Variants in STIM1 observed in about 807,000 individuals in gnomAD.
The protein encoded by STIM1 is stromal interaction molecule 1.
STIM1 carries 25 observed loss-of-function variants against 74.7 expected under a neutral mutation model. That is an observed-to-expected ratio of 0.33 (90% confidence interval 0.24 to 0.47). The LOEUF (loss-of-function observed/expected upper bound fraction) is 0.47. Among genes scored for constraint, STIM1 ranks in the 20% least tolerant of loss-of-function variants. The pLI, the probability that STIM1 is intolerant of heterozygous loss-of-function variation, is 1.00. For missense variants in STIM1, 728 were observed against 920.8 expected (o/e 0.79, Z 2.71); for synonymous variants, 328 against 348.8 (o/e 0.94, Z 0.66).
At chr11:3,967,490 G>C (rs2093350236) in intron 1 of STIM1, 62 bp from the exon 2 acceptor site, 2 of 1,612,534 alleles carry the variant, frequency 1.2e-6, no homozygotes, top group Middle Eastern at 1.7e-4. Flanking sequence ...TGCTGACACA[G>C]GTGGGTGATA....
intron 1 of STIM1, among the ~76,000 whole-genome samples, chr11:3,950,657 G>A (rs1172979580): frequency 6.6e-6 from 1 of 152,056 alleles, no homozygotes; most frequent in Non-Finnish European, 1.5e-5. Flanking sequence ...AGAAGGTCTC[G>A]CTCTGTCACC....
In STIM1 at chr11:4,080,467, G is replaced by GTTTTT. The variant is rs753798798; in HGVS notation, c.970-1704_970-1700dup. 4.6e-4 allele frequency among the ~76,000 whole-genome samples: 60 copies of GTTTTT among 129,752 alleles called. 1 individual carries two copies. Among genetic ancestry groups the GTTTTT allele is most frequent in the Non-Finnish European group, 6.9e-4 (43 of 62,574 alleles). The allele number at this position is 129,752 out of a possible 152,430, so 85.1% of individuals were successfully genotyped here. On this transcript the variant is annotated intron_variant, in intron 7 of 12. Coordinates refer to ENST00000526596, the MANE Select transcript of STIM1 (RefSeq NM_001382567.1). ...AGTTATTTCTCTCTTTAACCAAACA[G>GTTTTT]TTTTTTTTTTTTTTTTTGAGACAGT... is the stretch of plus-strand genomic sequence containing the variant.
chr11:4,035,832 G>A (rs1415727929), intron 3 of STIM1, among the ~76,000 whole-genome samples: 1 of 145,878 alleles, frequency 6.9e-6, no homozygotes, highest in African/African-American at 2.5e-5. Flanking sequence ...TGTCAATCAG[G>A]TCTGTTTTTG....
In STIM1 at chr11:4,086,304, C is replaced by T. The variant is rs182578117; in HGVS notation, c.1568-173C>T. The T allele has an allele frequency of 1.3e-3, 881 of 684,248 alleles. 3 individuals carry two copies. The highest frequency in any genetic ancestry group is 1.8e-3 in the Non-Finnish European group (753 of 409,754). The allele number at this position is 684,248 out of a possible 1,614,324, so 42.4% of individuals were successfully genotyped here. On this transcript the variant is annotated intron_variant, in intron 11 of 12. Transcript: ENST00000526596. The stretch of plus-strand genomic sequence containing the variant: ...GACCTGGGCACTTCATCTTCAATTT[C>T]CCATCCTTTTAGGACCCCTGGTGGG...
chr11:3,880,061 G>A (rs186673183), intron 1 of STIM1, among the ~76,000 whole-genome samples: 349 of 152,320 alleles, frequency 2.3e-3, no homozygotes, highest in African/African-American at 7.8e-3. Context: ...CTTTTGTGTT[G>A]TGGCAATGGC....
At chr11:3,941,316 G>C (rs1319794621) in intron 1 of STIM1, among the ~76,000 whole-genome samples, 2 of 152,118 alleles carry the variant, frequency 1.3e-5, no homozygotes, top group African/African-American at 4.8e-5. Flanking sequence ...GGTGAGGCCT[G>C]CATAAAGTGA....
At chr11:4,066,288 A>G (rs530846183) in intron 5 of STIM1, among the ~76,000 whole-genome samples, 10 of 152,140 alleles carry the variant, frequency 6.6e-5, no homozygotes, top group Admixed American at 2.0e-4. Context: ...CTGAGAGCTG[A>G]GTTTGTGTAG....
In STIM1 at chr11:4,023,887, C is replaced by T. The variant is rs780488492; in HGVS notation, c.285C>T (p.Asp95=). The change falls in exon 3 of 13, where the codon GAC becomes GAT. Residue 95 remains aspartate, a synonymous_variant. Coordinates refer to ENST00000526596, the MANE Select transcript of STIM1 (RefSeq NM_001382567.1). ...VEESDEFLRE[D]LNYHDPTVKH... is the part of the protein sequence containing the mutation. ...TTCCCTTGCAGTTCCTGAGGGAAGA[C>T]CTCAATTACCATGACCCAACAGTGA... is the stretch of plus-strand genomic sequence containing the variant. 15 of 1,613,874 alleles carry T rather than the reference C, an allele frequency of 9.3e-6. No homozygotes were observed. The Middle Eastern group carries it at 1.3e-3, about 142-fold the overall frequency.
At chr11:4,078,420 C>T (rs1020544402) in intron 7 of STIM1, among the ~76,000 whole-genome samples, 14 of 151,978 alleles carry the variant, frequency 9.2e-5, no homozygotes, top group African/African-American at 3.4e-4. Context: ...GGGTCCAGCC[C>T]AATTTTCGGC....
chr11:3,943,330 A>G (rs1467029687), intron 1 of STIM1, among the ~76,000 whole-genome samples: 2 of 152,196 alleles, frequency 1.3e-5, no homozygotes, highest in South Asian at 2.1e-4. Context: ...TAAATATTAC[A>G]TGGCCATTTA....
At chr11:3,885,771 G>A (rs1397396257) in intron 1 of STIM1, among the ~76,000 whole-genome samples, 1 of 152,148 alleles carries the variant, frequency 6.6e-6, no homozygotes, top group East Asian at 1.9e-4. Context: ...CTGAGTAGCT[G>A]GGACTGCAGG....
At chr11:4,026,715 A>G (rs2094000728) in intron 3 of STIM1, among the ~76,000 whole-genome samples, 1 of 152,230 alleles carries the variant, frequency 6.6e-6, no homozygotes, top group African/African-American at 2.4e-5. Flanking sequence ...AAAGTTACAA[A>G]TCAGGACCAG....
chr11:4,060,601 GAC>G (rs1456518350), intron 5 of STIM1, among the ~76,000 whole-genome samples: 2 of 152,030 alleles, frequency 1.3e-5, no homozygotes, highest in Admixed American at 6.5e-5. Flanking sequence ...TTTGAATAAC[GAC>G]ACAGTGAATG....
chr11:3,987,719 C>G (rs2135828932), intron 2 of STIM1, among the ~76,000 whole-genome samples: 1 of 151,894 alleles, frequency 6.6e-6, no homozygotes, highest in South Asian at 2.1e-4. Context: ...CTTAACAAAG[C>G]CTTCTGGAAC....
intron 1 of STIM1, among the ~76,000 whole-genome samples, chr11:3,931,841 G>A (rs192026216): frequency 6.6e-6 from 1 of 152,210 alleles, no homozygotes; most frequent in African/African-American, 2.4e-5. Context: ...CAGAGATTTC[G>A]TTCCTTTTCT....
intron 1 of STIM1, among the ~76,000 whole-genome samples, chr11:3,926,021 A>C (rs2092784361): frequency 1.3e-5 from 2 of 152,172 alleles, no homozygotes; most frequent in Admixed American, 1.3e-4. Context: ...TAGCTCTCAG[A>C]GAGCTCATAT....
intron 2 of STIM1, among the ~76,000 whole-genome samples, chr11:3,985,122 C>T (rs1439746233): frequency 6.6e-6 from 1 of 152,160 alleles, no homozygotes; most frequent in Non-Finnish European, 1.5e-5. Context: ...TGGTACCCCT[C>T]ATGTTTCCAG....
At chr11:4,060,628 GTAA>G (rs1478587839) in intron 5 of STIM1, among the ~76,000 whole-genome samples, 1 of 152,106 alleles carries the variant, frequency 6.6e-6, no homozygotes, top group Non-Finnish European at 1.5e-5. Context: ...TACTCTTTAT[GTAA>G]GGCGTAGTCT....
chr11:4,029,145 G>T (rs184335356), intron 3 of STIM1, among the ~76,000 whole-genome samples: 2 of 152,034 alleles, frequency 1.3e-5, no homozygotes, highest in Non-Finnish European at 2.9e-5. Context: ...CCGAGATCAC[G>T]CCATGGCACT....
Sources: gnomAD v4.1 joint callset for allele counts (sites outside exome capture counted in the v4.1 genomes callset) on GRCh38, gnomAD v4.1.1 for gene constraint, MANE v1.5 for transcripts, NCBI Gene and HGNC (gene_info 2026-07-23, HGNC 2026-07-21) for gene names.